The following CADM1 variants were observed in gnomAD, a reference collection of about 807,000 sequenced individuals.
The protein encoded by CADM1 is cell adhesion molecule 1.
Under a neutral mutation model 53.1 loss-of-function variants are expected in CADM1, and 15 were observed. The observed-to-expected ratio is 0.28, with a 90% CI of 0.19 to 0.44. CADM1 has a LOEUF of 0.44. Among genes scored for constraint, CADM1 ranks in the 20% least tolerant of loss-of-function variants. The pLI is 1.00. For synonymous variants in CADM1, 281 were observed against 243.0 expected (o/e 1.16, Z -1.45); for missense variants, 434 against 611.3 (o/e 0.71, Z 3.06).
At chr11:115,218,544 GA>G (rs1289206218) in intron 5 of CADM1, among the ~76,000 whole-genome samples, 5 of 152,032 alleles carry the variant, frequency 3.3e-5, no homozygotes, top group Non-Finnish European at 5.9e-5. Flanking sequence ...ACATTAAAAA[GA>G]AAAAATACTG....
rs73572968 is a variant in CADM1 at position 115,368,386 on chromosome 11, T to A, written c.125-127966A>T. On this transcript the variant is annotated intron_variant, in intron 1 of 11. Coordinates refer to ENST00000331581, the MANE Select transcript of CADM1 (RefSeq NM_001301043.2). ...GTGAGGTCATGACCAAATTACTAAATTTGTGTTAAATCTTTCTTCTTTATA... is the reference window on the plus strand; with the variant it reads ...GTGAGGTCATGACCAAATTACTAAAATTGTGTTAAATCTTTCTTCTTTATA... Among the ~76,000 whole-genome samples the A allele has an allele frequency of 8.5e-3, 1,291 of 152,202 alleles. 18 individuals are homozygous for A. The highest frequency in any genetic ancestry group is 0.028 in the African/African-American group (1,152 of 41,532).
At chr11:115,285,091 A>G (rs1009050114) in intron 1 of CADM1, among the ~76,000 whole-genome samples, 9 of 152,218 alleles carry the variant, frequency 5.9e-5, no homozygotes, top group Admixed American at 5.2e-4. Context: ...ATGCTCACCA[A>G]TGAACCAAAT....
chr11:115,415,106 G>C (rs527345775), intron 1 of CADM1, among the ~76,000 whole-genome samples: 1 of 152,222 alleles, frequency 6.6e-6, no homozygotes, highest in Non-Finnish European at 1.5e-5. Flanking sequence ...TCAAATCCCA[G>C]TTAAAATATG....
intron 1 of CADM1, among the ~76,000 whole-genome samples, chr11:115,312,217 C>A (rs150275961): frequency 2.0e-3 from 300 of 152,262 alleles, no homozygotes; most frequent in African/African-American, 6.6e-3. Flanking sequence ...TGATTAGTTT[C>A]TTGCTCCAAT....
intron 1 of CADM1, among the ~76,000 whole-genome samples, chr11:115,353,667 C>T (rs576163998): frequency 3.9e-5 from 6 of 152,244 alleles, no homozygotes; most frequent in African/African-American, 1.4e-4. Context: ...GACTTGAGTT[C>T]ATGCCTCAAT....
intron 7 of CADM1, among the ~76,000 whole-genome samples, chr11:115,211,991 T>A (rs186480054): frequency 2.0e-5 from 3 of 152,338 alleles, no homozygotes; most frequent in African/African-American, 7.2e-5. Flanking sequence ...ATTATCTTTA[T>A]CACGACTGGG....
chr11:115,503,788 G>A (rs1196858996), intron 1 of CADM1, among the ~76,000 whole-genome samples: 1 of 152,064 alleles, frequency 6.6e-6, no homozygotes, highest in African/African-American at 2.4e-5. Context: ...CGCCGCGGGC[G>A]GCTGGGAGTC....
At chr11:115,269,896 T>G (rs950285500) in intron 1 of CADM1, among the ~76,000 whole-genome samples, 7 of 152,186 alleles carry the variant, frequency 4.6e-5, no homozygotes, top group Non-Finnish European at 8.8e-5. Flanking sequence ...ACCTCTCTAC[T>G]CCGGTGTCTT....
intron 1 of CADM1, 104 bp downstream of exon 1, chr11:115,504,167 G>T: frequency 6.7e-7 from 1 of 1,492,952 alleles, no homozygotes; most frequent in Non-Finnish European, 9.1e-7. Context: ...TCGGATGTAG[G>T]AAGTGGGGGG....
At chr11:115,288,430 TA>T (rs1037309251) in intron 1 of CADM1, among the ~76,000 whole-genome samples, 1 of 151,476 alleles carries the variant, frequency 6.6e-6, no homozygotes, top group South Asian at 2.1e-4. Flanking sequence ...CTTCGGGATT[TA>T]AAAAAATACA....
chr11:115,314,590 GATTT>G (rs1944613350), intron 1 of CADM1, among the ~76,000 whole-genome samples: 1 of 152,154 alleles, frequency 6.6e-6, no homozygotes, highest in South Asian at 2.1e-4. Flanking sequence ...GTATATGAAA[GATTT>G]ATTTTAGGTG....
At chr11:115,382,982 C>T (rs1946615217) in intron 1 of CADM1, among the ~76,000 whole-genome samples, 1 of 152,184 alleles carries the variant, frequency 6.6e-6, no homozygotes, top group Non-Finnish European at 1.5e-5. Context: ...AAATCACAGA[C>T]TCCTTAAAAG....
intron 11 of CADM1, 89 bp from the exon 12 acceptor site, chr11:115,176,681 T>C: frequency 1.9e-6 from 2 of 1,066,364 alleles, no homozygotes; most frequent in Non-Finnish European, 2.9e-6. Context: ...ATGGCCATCA[T>C]CAGCCGAAGT....
At position 115,215,288 on chromosome 11, in the gene CADM1, CCT is replaced by C. The variant is rs1200367941; in HGVS notation, c.822-510_822-509del. On this transcript the variant is annotated intron_variant, in intron 6 of 11. Transcript: ENST00000331581. ...ATATCTGAATAGTGCTTTTCTTGGGCCTCTGTTTGAAAAACCACCTTTGATTC... is the reference window on the plus strand; with the variant it reads ...ATATCTGAATAGTGCTTTTCTTGGGCCTGTTTGAAAAACCACCTTTGATTC... Among the ~76,000 whole-genome samples the C allele has an allele frequency of 2.0e-5, 3 of 152,218 alleles. No individual in the cohort carries two copies. In the South Asian group the frequency reaches 6.2e-4, roughly 32 times the overall value.
chr11:115,275,203 A>G (rs1368651234), intron 1 of CADM1, among the ~76,000 whole-genome samples: 2 of 151,878 alleles, frequency 1.3e-5, no homozygotes, highest in Non-Finnish European at 2.9e-5. Context: ...CTCTATGCCT[A>G]CCTCCTCTCG....
chr11:115,248,009 A>G (rs572440335), intron 1 of CADM1, among the ~76,000 whole-genome samples: 1 of 152,366 alleles, frequency 6.6e-6, no homozygotes, highest in African/African-American at 2.4e-5. Flanking sequence ...AGCTGCAAGA[A>G]GAGTTATTTC....
intron 1 of CADM1, among the ~76,000 whole-genome samples, chr11:115,275,093 A>G (rs1943407751): frequency 6.6e-6 from 1 of 152,170 alleles, no homozygotes; most frequent in African/African-American, 2.4e-5. Flanking sequence ...ACTCCTTTCA[A>G]TTTCACAAAA....
At chr11:115,342,524 CT>C (rs1192364538) in intron 1 of CADM1, among the ~76,000 whole-genome samples, 5 of 152,124 alleles carry the variant, frequency 3.3e-5, no homozygotes, top group African/African-American at 7.2e-5. Context: ...CACTTAAACC[CT>C]AAGGCCCCAG....
chr11:115,353,337 C>T (rs763894379), intron 1 of CADM1, among the ~76,000 whole-genome samples: 3 of 152,180 alleles, frequency 2.0e-5, no homozygotes, highest in Non-Finnish European at 4.4e-5. Context: ...TTGTCCAATA[C>T]AGACATCACT....
Sources: allele counts gnomAD v4.1 joint callset (sites outside exome capture counted in the v4.1 genomes callset), GRCh38; gene constraint gnomAD v4.1.1; transcripts MANE v1.5; gene names NCBI Gene and HGNC (gene_info 2026-07-23, HGNC 2026-07-21).